PYY: variants seen among roughly 807,000 people sequenced by gnomAD.
The protein encoded by PYY is peptide YY.
A neutral mutation model predicts 10.3 loss-of-function variants in PYY; 12 were observed. The observed-to-expected ratio is 1.17, with a 90% CI of 0.75 to 1.89. The LOEUF (loss-of-function observed/expected upper bound fraction) is 1.89. Among genes scored for constraint, PYY ranks in the 40% most tolerant of loss-of-function variants. The pLI is 0.00. For missense variants in PYY, 141 were observed against 134.0 expected (o/e 1.05, Z -0.26); for synonymous variants, 66 against 62.0 (o/e 1.06, Z -0.30).
chr17:43,994,880 G>T (rs984600003), intron 1 of PYY, among the ~76,000 whole-genome samples: 1 of 152,158 alleles, frequency 6.6e-6, no homozygotes, highest in Non-Finnish European at 1.5e-5. Flanking sequence ...CCAGGGCCCC[G>T]GGGGAAAGGC....
At chr17:43,967,912 GT>G (rs1419778017) in intron 1 of PYY, among the ~76,000 whole-genome samples, 2 of 152,124 alleles carry the variant, frequency 1.3e-5, no homozygotes, top group Non-Finnish European at 2.9e-5. Context: ...AGAAATGCTC[GT>G]TCTGCCTCGA....
chr17:43,978,856 C>A (rs893178587), intron 1 of PYY, among the ~76,000 whole-genome samples: 5 of 152,238 alleles, frequency 3.3e-5, no homozygotes, highest in African/African-American at 1.2e-4. Context: ...CATAGCCCTC[C>A]ATACTCTGCA....
chr17:43,989,229 C>T (rs1358462036), intron 1 of PYY, among the ~76,000 whole-genome samples: 1 of 151,970 alleles, frequency 6.6e-6, no homozygotes, highest in African/African-American at 2.4e-5. Context: ...AAAAAATTAG[C>T]CGGGCGTGGT....
At chr17:43,956,706 C>T (rs575064570), upstream of PYY, among the ~76,000 whole-genome samples, 1 of 152,288 alleles carries the variant, frequency 6.6e-6, no homozygotes, top group South Asian at 2.1e-4. Flanking sequence ...TCAAGGGCCA[C>T]TCATCAAGAT....
intron 2 of PYY, among the ~76,000 whole-genome samples, chr17:43,962,409 C>T (rs1271111267): frequency 6.6e-6 from 1 of 152,170 alleles, no homozygotes; most frequent in Non-Finnish European, 1.5e-5. Context: ...AAAATGATTA[C>T]TGCAACCAAA....
At chr17:43,972,511 C>T (rs997789377) in intron 1 of PYY, among the ~76,000 whole-genome samples, 10 of 149,354 alleles carry the variant, frequency 6.7e-5, no homozygotes, top group Admixed American at 3.4e-4. Context: ...CCGCCACACC[C>T]GGCCAACTTT....
At position 43,963,570 on chromosome 17, in the gene PYY, A is replaced by AAAAGAAAGAAAGAAAGAAAAAGAAAG. The variant is rs1555617069; in HGVS notation, c.-218+2717_-218+2718insCTTTCTTTTTCTTTCTTTCTTTCTTT. 1.6e-3 allele frequency among the ~76,000 whole-genome samples: 166 copies of AAAAGAAAGAAAGAAAGAAAAAGAAAG among 104,664 alleles called. 4 individuals are homozygous for AAAAGAAAGAAAGAAAGAAAAAGAAAG. In the East Asian group the frequency reaches 0.031, roughly 20 times the overall value. 68.7% of individuals were successfully genotyped at this position (104,664 alleles called of 152,430 possible). A position where few individuals can be genotyped will look rare whatever the true frequency, so the allele number is the denominator to read the frequency against. On this transcript the variant is annotated intron_variant, in intron 2 of 6. Coordinates refer to the PYY transcript ENST00000360085. ...AAGGGAAGGAAGGAAGGAAGGAAGG[A>AAAAGAAAGAAAGAAAGAAAAAGAAAG]AAAGAAAGAAAGAAAGAAAGAAAGA... is the stretch of plus-strand genomic sequence containing the variant.
chr17:43,995,840 A>AC (rs1420280661), intron 1 of PYY, among the ~76,000 whole-genome samples: 2 of 150,522 alleles, frequency 1.3e-5, no homozygotes, highest in East Asian at 2.0e-4. Context: ...AAAAAAAAAA[A>AC]AAAAAACGAA....
chr17:43,995,909 C>T (rs905419457), intron 1 of PYY, among the ~76,000 whole-genome samples: 1 of 151,636 alleles, frequency 6.6e-6, no homozygotes, highest in Admixed American at 6.6e-5. Flanking sequence ...AATCCCAACA[C>T]TTTGGGAGGC....
At chr17:44,001,865 G>C (rs1040039336) in intron 1 of PYY, among the ~76,000 whole-genome samples, 4 of 152,182 alleles carry the variant, frequency 2.6e-5, no homozygotes, top group Admixed American at 2.6e-4. Flanking sequence ...GGTCAGCAGG[G>C]GTGGCCTGCT....
intron 1 of PYY, among the ~76,000 whole-genome samples, chr17:43,974,748 C>G (rs2048817878): frequency 6.6e-6 from 1 of 152,094 alleles, no homozygotes; most frequent in Admixed American, 6.6e-5. Context: ...ACATTGTATT[C>G]TAAAAATGTT....
At chr17:43,983,888 G>C (rs998757510) in intron 1 of PYY, among the ~76,000 whole-genome samples, 1 of 152,220 alleles carries the variant, frequency 6.6e-6, no homozygotes, top group African/African-American at 2.4e-5. Context: ...GTCCGGTGCC[G>C]GCCGGGCTGA....
rs959665854 is a variant in PYY, at chr17:43,952,773, G to C, written c.*183C>G. 5 of 562,914 alleles carry C rather than the reference G, an allele frequency of 8.9e-6. No individual in the cohort carries two copies. Among genetic ancestry groups the C allele is most frequent in the Non-Finnish European group, 1.5e-5 (5 of 329,510 alleles). 34.9% of individuals were successfully genotyped at this position (562,914 alleles called of 1,614,324 possible). A position where few individuals can be genotyped will look rare whatever the true frequency, so the allele number is the denominator to read the frequency against. ...ATTTGCTCTTTATTTTGGGACCAGG[G>C]AAGGACCACACACAGCCCTCCAGCC... On this transcript the variant is annotated 3_prime_UTR_variant, in exon 4 of 4. Coordinates refer to ENST00000692052, the MANE Select transcript of PYY (RefSeq NM_001394028.1).
chr17:43,964,855 G>A (rs191881388), intron 2 of PYY, among the ~76,000 whole-genome samples: 31 of 152,234 alleles, frequency 2.0e-4, no homozygotes, highest in Non-Finnish European at 3.5e-4. Flanking sequence ...GTGCCAGTCC[G>A]TATTTATTCT....
At position 43,952,855 on chromosome 17, in the gene PYY, C is replaced by T. The variant is rs900438694; in HGVS notation, c.*101G>A. The T allele has an allele frequency of 2.2e-6, 3 of 1,346,220 alleles. No individual in the cohort carries two copies. Among genetic ancestry groups the T allele is most frequent in the East Asian group, 5.2e-5 (2 of 38,834 alleles). 83.4% of individuals were successfully genotyped at this position (1,346,220 alleles called of 1,614,324 possible). A position where few individuals can be genotyped will look rare whatever the true frequency, so the allele number is the denominator to read the frequency against. ...GGGCCGCACCCGAACCCTGCCCAGA[C>T]GCCGCCGTCGGGAGGCAGAATCCGG... is the stretch of plus-strand genomic sequence containing the variant. On this transcript the variant is annotated 3_prime_UTR_variant, in exon 4 of 4. Transcript: ENST00000692052.
chr17:43,964,010 A>G (rs2048737533), intron 2 of PYY, among the ~76,000 whole-genome samples: 1 of 151,540 alleles, frequency 6.6e-6, no homozygotes, highest in Admixed American at 6.6e-5. Context: ...CCCTGTCTCT[A>G]TAAAGAAAGT....
At chr17:43,996,389 G>C (rs1208699199) in intron 1 of PYY, among the ~76,000 whole-genome samples, 1 of 152,134 alleles carries the variant, frequency 6.6e-6, no homozygotes, top group African/African-American at 2.4e-5. Context: ...AGAACCACCA[G>C]GTAAGCCCTT....
intron 1 of PYY, among the ~76,000 whole-genome samples, chr17:44,002,479 C>G (rs2049035011): frequency 6.6e-6 from 1 of 152,190 alleles, no homozygotes; most frequent in Non-Finnish European, 1.5e-5. Flanking sequence ...TCTACAACAA[C>G]AGAGGGTCCT....
chr17:43,975,496 C>A (rs148161613), intron 1 of PYY, among the ~76,000 whole-genome samples: 1 of 151,732 alleles, frequency 6.6e-6, no homozygotes, highest in African/African-American at 2.4e-5. Context: ...TTGCTTGAGC[C>A]CAGGAGTTCA....
Sources: gnomAD v4.1 joint callset for allele counts (sites outside exome capture counted in the v4.1 genomes callset) on GRCh38, gnomAD v4.1.1 for gene constraint, MANE v1.5 for transcripts, NCBI Gene and HGNC (gene_info 2026-07-23, HGNC 2026-07-21) for gene names.